IRAG1: variants seen among roughly 807,000 people sequenced by gnomAD.
IRAG1 encodes IP3R-associated cGMP kinase substrate.
In IRAG1, 62 loss-of-function variants were observed where a neutral mutation model predicts 106.2. That is an observed-to-expected ratio of 0.58 (90% CI 0.48 to 0.72). The LOEUF is 0.72. Ranked by LOEUF, IRAG1 falls within the 30% of genes least tolerant of loss-of-function variation. IRAG1 has a pLI of 0.00. For missense variants in IRAG1, 1,064 were observed against 1,140.7 expected (o/e 0.93, Z 0.97); for synonymous variants, 462 against 443.9 (o/e 1.04, Z -0.51).
chr11:10,578,633 A>G (rs1352877772), intron 20 of IRAG1, among the ~76,000 whole-genome samples: 1 of 152,200 alleles, frequency 6.6e-6, no homozygotes, highest in Non-Finnish European at 1.5e-5. Context: ...CAGGGAAGAA[A>G]TCATGTTTGA....
intron 18 of IRAG1, among the ~76,000 whole-genome samples, chr11:10,584,548 A>AATATATATATATATATATATATAT (rs56768282): frequency 2.5e-4 from 25 of 98,578 alleles, no homozygotes; most frequent in Non-Finnish European, 4.3e-4. Flanking sequence ...TCTTTCATGA[A>AATATATATATATATATATATATAT]ATATATATAT....
intron 1 of IRAG1, among the ~76,000 whole-genome samples, chr11:10,674,547 AC>A (rs1308567191): frequency 2.6e-5 from 4 of 152,118 alleles, no homozygotes; most frequent in Admixed American, 6.5e-5. Context: ...GTGACCTATT[AC>A]AGCCACACCA....
Position 10,669,381 on chromosome 11 carries a change from A to G in IRAG1, c.68-17199T>C, listed in dbSNP as rs374735437. On this transcript the variant is annotated intron_variant, in intron 1 of 20. Transcript: ENST00000423302. Reference sequence around the variant, plus strand: ...CTTGACTCCCTGGAGTTCTAGCCAGAGGGATGAACCAACTCATGGTGAGTG... The same window carrying G: ...CTTGACTCCCTGGAGTTCTAGCCAGGGGGATGAACCAACTCATGGTGAGTG... Among the ~76,000 whole-genome samples, 16 of 152,326 alleles carry G rather than the reference A, an allele frequency of 1.1e-4. No homozygotes were observed. The South Asian group carries it at 1.7e-3, about 16-fold the overall frequency.
At chr11:10,681,626 G>C (rs1185540530) in intron 1 of IRAG1, among the ~76,000 whole-genome samples, 1 of 152,182 alleles carries the variant, frequency 6.6e-6, no homozygotes. Flanking sequence ...TGAGGAAAAT[G>C]AGGACTTGGA....
chr11:10,633,955 C>A lies in IRAG1; in HGVS notation c.329+13G>T. Reference sequence around the variant, plus strand: ...ATATTGTTTGTCACAATGCAAGGATCAGGCACCTGTACCTGTTGGCCAGGT... The same window carrying A: ...ATATTGTTTGTCACAATGCAAGGATAAGGCACCTGTACCTGTTGGCCAGGT... On this transcript the variant is annotated intron_variant, in intron 3 of 20. Transcript: ENST00000423302. 6.5e-7 allele frequency: 1 copy of A among 1,548,890 alleles called. No individual in the cohort carries two copies. The highest frequency in any genetic ancestry group is 1.1e-5 in the South Asian group (1 of 87,966).
At chr11:10,631,853 G>C in intron 4 of IRAG1, 138 bp downstream of exon 4, 1 of 621,072 alleles carries the variant, frequency 1.6e-6, no homozygotes, top group Non-Finnish European at 2.9e-6. Context: ...CAGACACGGA[G>C]GGGCTGATCT....
At chr11:10,617,021 G>A in intron 10 of IRAG1, 10 of 955,890 alleles carry the variant, frequency 1.0e-5, no homozygotes, top group Non-Finnish European at 1.2e-5. Flanking sequence ...GCTGCTAGTT[G>A]GGGATAAACT....
chr11:10,639,758 C>A (rs911600385), intron 2 of IRAG1, among the ~76,000 whole-genome samples: 1 of 152,102 alleles, frequency 6.6e-6, no homozygotes, highest in Non-Finnish European at 1.5e-5. Context: ...AGATTGTCTT[C>A]ATTTGTTTGT....
chr11:10,633,974 G>C lies in IRAG1; in HGVS notation c.323C>G (p.Ala108Gly). The C allele has an allele frequency of 6.2e-7, 1 of 1,607,724 alleles. No individual in the cohort carries two copies. The highest frequency in any genetic ancestry group is 8.5e-7 in the Non-Finnish European group (1 of 1,175,378). Residue 108 changes from alanine to glycine, a missense_variant, in exon 3 of 21, where the codon GCC becomes GGC. Ala to Gly is a moderately conservative substitution (Grantham distance 60, BLOSUM62 0). Transcript: ENST00000423302. Reference sequence around the variant, plus strand: ...AAGGATCAGGCACCTGTACCTGTTGGCCAGGTTTTTGTCGGTTTCTCCTTC... The same window carrying C: ...AAGGATCAGGCACCTGTACCTGTTGCCCAGGTTTTTGTCGGTTTCTCCTTC... The part of the protein sequence containing the change: ...SPEGETDKNL[A>G]NRVHSPHKRL...
chr11:10,672,783 A>G (rs1340319845), intron 1 of IRAG1, among the ~76,000 whole-genome samples: 2 of 152,228 alleles, frequency 1.3e-5, no homozygotes, highest in African/African-American at 4.8e-5. Context: ...AAGGTTGAAC[A>G]TAGGATTACT....
At chr11:10,587,989 A>G (rs1852209154) in intron 18 of IRAG1, among the ~76,000 whole-genome samples, 1 of 152,242 alleles carries the variant, frequency 6.6e-6, no homozygotes, top group Non-Finnish European at 1.5e-5. Flanking sequence ...ACCTCATGGA[A>G]TTACTGTGAG....
At chr11:10,612,403 C>T (rs1412705139) in intron 10 of IRAG1, among the ~76,000 whole-genome samples, 1 of 152,156 alleles carries the variant, frequency 6.6e-6, no homozygotes, top group African/African-American at 2.4e-5. Flanking sequence ...CTACAAACAG[C>T]TCTATCTTAA....
intron 9 of IRAG1, among the ~76,000 whole-genome samples, chr11:10,624,961 G>A (rs1045321636): frequency 8.5e-5 from 13 of 152,318 alleles, no homozygotes; most frequent in African/African-American, 2.9e-4. Flanking sequence ...TCTGGGCCCT[G>A]TGCTGTTTGA....
chr11:10,603,581 C>T (rs1016093004), intron 13 of IRAG1, among the ~76,000 whole-genome samples: 1 of 152,108 alleles, frequency 6.6e-6, no homozygotes, highest in African/African-American at 2.4e-5. Context: ...TGGTTCCTAA[C>T]AGGCCATGGT....
intron 1 of IRAG1, among the ~76,000 whole-genome samples, chr11:10,683,698 G>C (rs575944557): frequency 6.6e-6 from 1 of 152,132 alleles, no homozygotes; most frequent in African/African-American, 2.4e-5. Context: ...CCTTGCTCCA[G>C]CACCACATCT....
chr11:10,603,720 G>A (rs181980028), intron 13 of IRAG1, among the ~76,000 whole-genome samples: 26 of 152,288 alleles, frequency 1.7e-4, no homozygotes, highest in African/African-American at 6.3e-4. Flanking sequence ...GTGAAGTGGG[G>A]CCTGGGCGAG....
chr11:10,614,373 T>A (rs1183084693), intron 10 of IRAG1, among the ~76,000 whole-genome samples: 2 of 152,208 alleles, frequency 1.3e-5, no homozygotes, highest in Non-Finnish European at 2.9e-5. Context: ...AACTACCTCA[T>A]AATTTATAGA....
intron 1 of IRAG1, among the ~76,000 whole-genome samples, chr11:10,664,606 T>C (rs1224025383): frequency 6.6e-6 from 1 of 152,208 alleles, no homozygotes; most frequent in Non-Finnish European, 1.5e-5. Flanking sequence ...ACGTTGCCTA[T>C]TGAAAGCAGT....
At chr11:10,584,231 A>T (rs1851689296) in intron 18 of IRAG1, among the ~76,000 whole-genome samples, 1 of 152,120 alleles carries the variant, frequency 6.6e-6, no homozygotes. Flanking sequence ...ACCCTCCCTG[A>T]ACTCTCAGAC....
Sources: gnomAD v4.1 joint callset for allele counts (sites outside exome capture counted in the v4.1 genomes callset) on GRCh38, gnomAD v4.1.1 for gene constraint, MANE v1.5 for transcripts, NCBI Gene and HGNC (gene_info 2026-07-23, HGNC 2026-07-21) for gene names.